E2F2: variants seen among roughly 807,000 people sequenced by gnomAD.
E2F2 encodes the protein transcription factor E2F2.
E2F2 carries 22 observed loss-of-function variants against 42.2 expected under a neutral mutation model. The ratio of observed to expected loss-of-function variants is 0.52; its 90% CI spans 0.37 to 0.74. The LOEUF (loss-of-function observed/expected upper bound fraction) is 0.74, where lower values mean the gene tolerates loss of function less well. E2F2 is among the 30% of genes least tolerant of loss of function. The probability of loss-of-function intolerance (pLI) is 0.00; values close to 1 mark genes in which losing one functional copy is unlikely to be tolerated. For synonymous variants in E2F2, 248 were observed against 251.6 expected (o/e 0.99, Z 0.13); for missense variants, 481 against 557.8 (o/e 0.86, Z 1.39).
At chr1:23,510,198 C>T in intron 6 of E2F2, 50 bp from the exon 7 acceptor site, 4 of 1,490,602 alleles carry the variant, frequency 2.7e-6, no homozygotes, top group Non-Finnish European at 3.6e-6. Flanking sequence ...TCCAACTCCT[C>T]AGCACGCGAG....
Position 23,519,343 on chromosome 1 carries a change from G to A in E2F2, c.738-213C>T, listed in dbSNP as rs755239554. On this transcript the variant is annotated intron_variant, in intron 4 of 6. Transcript: ENST00000361729. The stretch of plus-strand genomic sequence containing the variant: ...AATGGGAATATAAATCATAAAAAAT[G>A]TTGCCTTACATTATAAATCATAAAA... The A allele has an allele frequency of 7.2e-5, 27 of 373,188 alleles. No individual in the cohort carries two copies. The South Asian group carries it at 8.0e-4, about 11-fold the overall frequency. 23.1% of individuals were successfully genotyped at this position (373,188 alleles called of 1,614,324 possible).
chr1:23,521,962 C>T lies in E2F2; in HGVS notation c.453G>A (p.Gly151=), dbSNP rs773460774. The T allele has an allele frequency of 1.9e-6, 3 of 1,614,198 alleles. No homozygotes were observed. The highest frequency in any genetic ancestry group is 1.1e-5 in the South Asian group (1 of 91,084). ...CAGCGGCCCAGTTCAGGTCCAGGAC[C>T]CCATCCTCTGACTCGCTCAGGAGGT... The part of the protein sequence containing the change: ...FIYLLSESED[G]VLDLNWAAEV... Residue 151 remains glycine, a synonymous_variant, in exon 3 of 7, where the codon GGG becomes GGA. Coordinates refer to ENST00000361729, the MANE Select transcript of E2F2 (RefSeq NM_004091.4).
intron 6 of E2F2, among the ~76,000 whole-genome samples, chr1:23,513,428 G>T (rs1401580988): frequency 2.0e-5 from 3 of 152,170 alleles, no homozygotes; most frequent in Non-Finnish European, 4.4e-5. Context: ...AACTGAGGCT[G>T]CAGAGAACAC....
In E2F2 at chr1:23,509,869, G is replaced by A; in HGVS notation, c.*11C>T. The A allele has an allele frequency of 6.5e-7, 1 of 1,530,646 alleles. No homozygotes were observed. Among genetic ancestry groups the A allele is most frequent in the Non-Finnish European group, 8.8e-7 (1 of 1,135,428 alleles). 94.8% of individuals were successfully genotyped at this position (1,530,646 alleles called of 1,614,324 possible). A position where few individuals can be genotyped will look rare whatever the true frequency, so the allele number is the denominator to read the frequency against. Reference sequence around the variant, plus strand: ...AGTCGGGGGCAGGCTGCTGGGGGCAGGCAGGGCCACTCAATTAATCAACAG... The same window carrying A: ...AGTCGGGGGCAGGCTGCTGGGGGCAAGCAGGGCCACTCAATTAATCAACAG... On this transcript the variant is annotated 3_prime_UTR_variant, in exon 7 of 7. Coordinates refer to ENST00000361729, the MANE Select transcript of E2F2 (RefSeq NM_004091.4).
intron 6 of E2F2, among the ~76,000 whole-genome samples, chr1:23,512,253 C>A (rs542437268): frequency 2.6e-5 from 4 of 152,086 alleles, no homozygotes; most frequent in Admixed American, 1.3e-4. Flanking sequence ...ACTGGTTTGT[C>A]GGGTCTGCAT....
chr1:23,512,213 AT>A, intron 6 of E2F2, among the ~76,000 whole-genome samples: 3 of 152,154 alleles, frequency 2.0e-5, no homozygotes, highest in African/African-American at 7.2e-5. Flanking sequence ...ATAAAAATAA[AT>A]AAATAAACAA....
rs921083363 is a variant in E2F2 at position 23,509,747 on chromosome 1, A to G, written c.*133T>C. 4 of 1,399,340 alleles carry G rather than the reference A, an allele frequency of 2.9e-6. No individual in the cohort carries two copies. The highest frequency in any genetic ancestry group is 3.7e-6 in the Non-Finnish European group (4 of 1,071,212). 86.7% of individuals were successfully genotyped at this position (1,399,340 alleles called of 1,614,324 possible). A position where few individuals can be genotyped will look rare whatever the true frequency, so the allele number is the denominator to read the frequency against. ...CCACACAGCTTCTGCCGGCTGGGGC[A>G]GGAAAGGCGAGGAGACCCCATGCCC... On this transcript the variant is annotated 3_prime_UTR_variant, in exon 7 of 7. Coordinates refer to ENST00000361729, the MANE Select transcript of E2F2 (RefSeq NM_004091.4).
Position 23,522,042 on chromosome 1 carries a change from C to G in E2F2, c.373G>C (p.Gly125Arg). 1 of 1,614,010 alleles carries G rather than the reference C, an allele frequency of 6.2e-7. No individual in the cohort carries two copies. The highest frequency in any genetic ancestry group is 1.1e-5 in the South Asian group (1 of 91,068). ...LPSPKTPKSPGEKTRYDTSLG... is the reference protein window; with the variant it reads ...LPSPKTPKSPREKTRYDTSLG... ...GAAGTGTCATACCGAGTCTTCTCCC[C>G]GGGGGATTTGGGGGCTGAAGAAGAA... Residue 125 changes from glycine to arginine, a missense_variant, in exon 3 of 7, where the codon GGG becomes CGG. Gly to Arg is a moderately radical substitution (Grantham distance 125, BLOSUM62 -2). Coordinates refer to ENST00000361729, the MANE Select transcript of E2F2 (RefSeq NM_004091.4).
intron 2 of E2F2, among the ~76,000 whole-genome samples, chr1:23,524,088 A>C (rs1643202372): frequency 9.3e-6 from 1 of 108,016 alleles, no homozygotes; most frequent in African/African-American, 3.5e-5. Flanking sequence ...AACAACAACA[A>C]CAACAACAAC....
chr1:23,524,540 A>G, intron 1 of E2F2, 52 bp from the exon 2 acceptor site: 5 of 1,556,594 alleles, frequency 3.2e-6, no homozygotes, highest in Non-Finnish European at 4.4e-6. Flanking sequence ...TTCCTCCTTT[A>G]GCCTTTCCCT....
chr1:23,527,859 G>A (rs374340042), intron 1 of E2F2, among the ~76,000 whole-genome samples: 9 of 152,200 alleles, frequency 5.9e-5, no homozygotes, highest in East Asian at 3.9e-4. Context: ...GAAAGAAAAG[G>A]AGGACCGGGC....
Position 23,519,103 on chromosome 1 carries a change from G to T in E2F2, c.765C>A (p.Ile255=). The change falls in exon 5 of 7, where the codon ATC becomes ATA. Residue 255 remains isoleucine, a synonymous_variant. Coordinates refer to ENST00000361729, the MANE Select transcript of E2F2 (RefSeq NM_004091.4). ...GCTCCTTAAAGTTGCCAACAGCACG[G>T]ATATCCTGGTAAGTCACATAGGCCA... ...KRLAYVTYQD[I]RAVGNFKEQT... 1 of 1,613,984 alleles carries T rather than the reference G, an allele frequency of 6.2e-7. No individual in the cohort carries two copies. The highest frequency in any genetic ancestry group is 1.1e-5 in the South Asian group (1 of 91,016).
rs1484041311 is a variant in E2F2, at chr1:23,509,035, C to T, written c.*845G>A. ...GTCTGTTTTCCACGGGAGCTTGTCT[C>T]TGCTGGACCATTTTTACATCTCAAG... On this transcript the variant is annotated 3_prime_UTR_variant, in exon 7 of 7. Transcript: ENST00000361729. 1 of 152,250 alleles carries T rather than the reference C, an allele frequency of 6.6e-6. No homozygotes were observed. The highest frequency in any genetic ancestry group is 1.5e-5 in the Non-Finnish European group (1 of 68,118). The allele number at this position is 152,250 out of a possible 1,614,324, so 9.4% of individuals were successfully genotyped here. A position where few individuals can be genotyped will look rare whatever the true frequency, so the allele number is the denominator to read the frequency against.
Position 23,530,760 on chromosome 1 carries a change from C to T in E2F2, c.34G>A (p.Ala12Thr), listed in dbSNP as rs939849766. The change falls in exon 1 of 7, where the codon GCT becomes ACT. Residue 12 changes from alanine (A) to threonine (T), a missense_variant. Physicochemically the swap from Ala to Thr is moderately conservative, Grantham distance 58 (BLOSUM62 0). Coordinates refer to ENST00000361729, the MANE Select transcript of E2F2 (RefSeq NM_004091.4). This position sits in a 1 kb window ranked among gnomAD's most constrained non-coding sequence, Gnocchi z 4.4. Reference protein sequence around the residue: ...LQGPRALASAAGQTPKVVPAM... With the variant: ...LQGPRALASATGQTPKVVPAM... ...GGCACCACCTTCGGGGTCTGCCCAG[C>T]GGCCGAAGCCAAGGCCCGGGGCCCT... The T allele has an allele frequency of 1.3e-6, 2 of 1,571,960 alleles. No individual in the cohort carries two copies. Among genetic ancestry groups the T allele is most frequent in the African/African-American group, 1.3e-5 (1 of 74,356 alleles).
chr1:23,513,809 G>C (rs1570456544), intron 6 of E2F2, among the ~76,000 whole-genome samples: 1 of 151,942 alleles, frequency 6.6e-6, no homozygotes, highest in Admixed American at 6.6e-5. Context: ...TCAGGATCTT[G>C]ATTTGTAAAA....
intron 1 of E2F2, among the ~76,000 whole-genome samples, chr1:23,527,915 G>A (rs1339243044): frequency 1.3e-5 from 2 of 152,224 alleles, no homozygotes; most frequent in East Asian, 1.9e-4. Flanking sequence ...AGGCCAAGGC[G>A]GGTGGATCAC....
intron 5 of E2F2, 25 bp from the exon 6 acceptor site, chr1:23,516,552 C>T: frequency 6.3e-7 from 1 of 1,579,628 alleles, no homozygotes; most frequent in Non-Finnish European, 8.6e-7. Context: ...GAAGCCAGGT[C>T]ATTGCTCTGG....
chr1:23,512,071 A>G (rs1232325864), intron 6 of E2F2, among the ~76,000 whole-genome samples: 1 of 152,124 alleles, frequency 6.6e-6, no homozygotes, highest in Non-Finnish European at 1.5e-5. Context: ...GGTGGCAGGC[A>G]TCTGTAATCC....
At position 23,508,279 on chromosome 1, in the gene E2F2, A is replaced by T. The variant is rs368621442; in HGVS notation, c.*1601T>A. ...TCCCTCGTCTCAAACTTCAGACATC[A>T]GTCAGTCAGCTCAGGAGCCATCCAA... On this transcript the variant is annotated 3_prime_UTR_variant, in exon 7 of 7. Transcript: ENST00000361729. 1 of 152,310 alleles carries T rather than the reference A, an allele frequency of 6.6e-6. No individual in the cohort carries two copies. Among genetic ancestry groups the T allele is most frequent in the Non-Finnish European group, 1.5e-5 (1 of 68,086 alleles). 9.4% of individuals were successfully genotyped at this position (152,310 alleles called of 1,614,324 possible).
Sources: gnomAD v4.1 joint callset for allele counts (sites outside exome capture counted in the v4.1 genomes callset) on GRCh38, gnomAD v4.1.1 for gene constraint, Gnocchi (gnomAD v3.1) non-coding constraint, MANE v1.5 for transcripts, NCBI Gene and HGNC (gene_info 2026-07-23, HGNC 2026-07-21) for gene names.